The following PLEKHH1 variants were observed in gnomAD, a reference collection of about 807,000 sequenced individuals.
PLEKHH1 encodes the protein pleckstrin homology, MyTH4 and FERM domain containing H1.
Under a neutral mutation model 160.0 loss-of-function variants are expected in PLEKHH1, and 104 were observed. That is an observed-to-expected ratio of 0.65 (90% CI 0.55 to 0.76). The LOEUF is 0.76. Among genes scored for constraint, PLEKHH1 ranks in the 30% least tolerant of loss-of-function variants. The pLI, the probability that PLEKHH1 is intolerant of heterozygous loss-of-function variation, is 0.00. For synonymous variants in PLEKHH1, 619 were observed against 678.4 expected, an observed-to-expected ratio of 0.91 and a Z score of 1.36; for missense variants, 1,427 against 1,724.1, an observed-to-expected ratio of 0.83 and a Z score of 3.05.
In PLEKHH1 at chr14:67,574,976, G is replaced by A. The variant is rs1382436773; in HGVS notation, c.2089-416G>A. Among the ~76,000 whole-genome samples the A allele has an allele frequency of 6.6e-6, 1 of 152,186 alleles. No individual in the cohort carries two copies. The highest frequency in any genetic ancestry group is 1.5e-5 in the Non-Finnish European group (1 of 68,032). ...TGTGGCTCTGCTTCTCGTTCAATCT[G>A]TTTATGTCATTCTCCTTCGCCCGTG... On this transcript the variant is annotated intron_variant, in intron 14 of 28. Transcript: ENST00000329153. This position sits in a 1 kb window ranked among gnomAD's most constrained non-coding sequence, Gnocchi z 4.2.
At chr14:67,558,291 A>G (rs1326524125) in intron 4 of PLEKHH1, among the ~76,000 whole-genome samples, 1 of 152,106 alleles carries the variant, frequency 6.6e-6, no homozygotes, top group East Asian at 1.9e-4. Flanking sequence ...TTTCCTACAC[A>G]TGCCTTCTCC....
At chr14:67,572,670 T>G (rs1471818593) in intron 11 of PLEKHH1, among the ~76,000 whole-genome samples, 1 of 152,136 alleles carries the variant, frequency 6.6e-6, no homozygotes, top group Non-Finnish European at 1.5e-5. Flanking sequence ...GTCCTCACAA[T>G]CCTCTTGGGG....
chr14:67,583,370 T>C (rs915225200), intron 24 of PLEKHH1, among the ~76,000 whole-genome samples: 1 of 152,210 alleles, frequency 6.6e-6, no homozygotes, highest in Non-Finnish European at 1.5e-5. Context: ...AGGCCACATT[T>C]GGAACACTCT....
At chr14:67,572,406 G>A in intron 11 of PLEKHH1, 129 bp downstream of exon 11, 1 of 625,146 alleles carries the variant, frequency 1.6e-6, no homozygotes, top group South Asian at 2.0e-5. Context: ...ATGGGGGCAG[G>A]GGGCGTGGGC....
intron 3 of PLEKHH1, 150 bp from the exon 4 acceptor site, chr14:67,557,119 T>C (rs374386971): frequency 1.2e-5 from 7 of 607,618 alleles, no homozygotes; most frequent in Middle Eastern, 6.7e-4. Flanking sequence ...TGGAACTTAA[T>C]TGAATTAATT....
chr14:67,576,350 T>C lies in PLEKHH1; in HGVS notation c.2353-45T>C. ...TCCTCCTTGGAGCTCTTGCCTCCAC[T>C]CTTCCCACCCCGTCCCCATCCGATG... On this transcript the variant is annotated intron_variant, in intron 16 of 28. Coordinates refer to ENST00000329153, the MANE Select transcript of PLEKHH1 (RefSeq NM_020715.3). The surrounding 1 kb of genome is among the most constrained non-coding windows in gnomAD (Gnocchi z 4.0). The C allele has an allele frequency of 8.9e-7, 1 of 1,127,150 alleles. No homozygotes were observed. Among genetic ancestry groups the C allele is most frequent in the Non-Finnish European group, 1.3e-6 (1 of 754,134 alleles). The allele number at this position is 1,127,150 out of a possible 1,614,324, so 69.8% of individuals were successfully genotyped here. A position where few individuals can be genotyped will look rare whatever the true frequency, so the allele number is the denominator to read the frequency against.
chr14:67,576,077 C>A lies in PLEKHH1; in HGVS notation c.2352+72C>A. ...TCTGATCTTCCCTTCTCTCTTTCTC[C>A]TGAGCTTCCCAAAATTCAAATTTAT... On this transcript the variant is annotated intron_variant, in intron 16 of 28. Transcript: ENST00000329153. The surrounding 1 kb of genome is among the most constrained non-coding windows in gnomAD (Gnocchi z 4.0). 1 of 1,224,290 alleles carries A rather than the reference C, an allele frequency of 8.2e-7. No individual in the cohort carries two copies. The highest frequency in any genetic ancestry group is 1.2e-6 in the Non-Finnish European group (1 of 866,994). The allele number at this position is 1,224,290 out of a possible 1,614,324, so 75.8% of individuals were successfully genotyped here. A position where few individuals can be genotyped will look rare whatever the true frequency, so the allele number is the denominator to read the frequency against.
rs1384055677 is a variant in PLEKHH1, at chr14:67,577,350, T to C, written c.2510T>C (p.Leu837Pro). The change falls in exon 18 of 29, where the codon CTA (leucine) becomes CCA (proline). Residue 837 changes from leucine to proline, a missense_variant. Leu to Pro is a moderately conservative substitution (Grantham distance 98). Around this residue, in one of 6 missense-constraint regions of PLEKHH1, gnomAD observed 436 missense variants for 607.5 expected, o/e 0.72. Transcript: ENST00000329153. ...ATGCTGTGCTACAGCAAAGACGGCC[T>C]ATACGCCTCCCTCACCACCCTGCCC... ...HPMLCYSKDG[L>P]YASLTTLPSE... The C allele has an allele frequency of 7.6e-6, 12 of 1,587,518 alleles. No individual in the cohort carries two copies. The highest frequency in any genetic ancestry group is 3.5e-5 in the Admixed American group (2 of 56,616).
intron 2 of PLEKHH1, among the ~76,000 whole-genome samples, chr14:67,543,264 A>G (rs2034044392): frequency 6.6e-6 from 1 of 152,246 alleles, no homozygotes; most frequent in Non-Finnish European, 1.5e-5. Context: ...GCTGGAGTCC[A>G]GCAGGACAAA....
At position 67,557,367 on chromosome 14, in the gene PLEKHH1, A is replaced by G; in HGVS notation, c.288A>G (p.Ile96Met). The G allele has an allele frequency of 6.2e-7, 1 of 1,613,980 alleles. No homozygotes were observed. Among genetic ancestry groups the G allele is most frequent in the East Asian group, 2.2e-5 (1 of 44,882 alleles). Residue 96 changes from isoleucine (I) to methionine (M), a missense_variant, in exon 4 of 29, where the codon ATA becomes ATG. Ile to Met is a conservative substitution (Grantham distance 10, BLOSUM62 1). Transcript: ENST00000329153. ...AATACCAAGAATTGCTGAAAGCCAT[A>G]AAGGGCAAAGATGAGCTCATCAGCC... ...HRKYQELLKA[I>M]KGKDELISQL...
intron 20 of PLEKHH1, 72 bp from the exon 21 acceptor site, chr14:67,579,062 G>A: frequency 1.9e-6 from 2 of 1,079,052 alleles, no homozygotes; most frequent in Non-Finnish European, 2.7e-6. Flanking sequence ...GCTGAGTCTA[G>A]ATAGGGATCC....
intron 21 of PLEKHH1, 48 bp downstream of exon 21, chr14:67,579,359 T>G (rs771862670): frequency 1.6e-5 from 22 of 1,384,874 alleles, no homozygotes; most frequent in Non-Finnish European, 2.0e-5. Context: ...CACGTCACCA[T>G]CCAGAGAATA....
Position 67,540,115 on chromosome 14 carries a change from T to C in PLEKHH1, c.-34-1719T>C, listed in dbSNP as rs74556965. ...GGGATTTTGAAAAGCAACAAATTTT[T>C]ATTATGGAAAATTCCAGGCATATAT... On this transcript the variant is annotated intron_variant, in intron 1 of 28. Coordinates refer to ENST00000329153, the MANE Select transcript of PLEKHH1 (RefSeq NM_020715.3). Among the ~76,000 whole-genome samples, 673 of 152,234 alleles carry C rather than the reference T, an allele frequency of 4.4e-3. 18 individuals carry two copies. The East Asian group carries it at 0.062, about 14-fold the overall frequency.
intron 1 of PLEKHH1, 36 bp from the exon 2 acceptor site, chr14:67,541,798 A>G: frequency 3.6e-6 from 5 of 1,403,946 alleles, no homozygotes; most frequent in Non-Finnish European, 4.8e-6. Context: ...TCACACGCTT[A>G]TTTATCTTTT....
At chr14:67,572,570 G>A (rs1383125427) in intron 11 of PLEKHH1, among the ~76,000 whole-genome samples, 3 of 152,072 alleles carry the variant, frequency 2.0e-5, no homozygotes, top group African/African-American at 7.2e-5. Context: ...ATATGACTTT[G>A]TTTTATCACC....
chr14:67,579,259 A>G lies in PLEKHH1; in HGVS notation c.2975A>G (p.His992Arg), dbSNP rs1163574591. Residue 992 changes from histidine (H) to arginine (R), a missense_variant, in exon 21 of 29, where the codon CAC becomes CGC. This residue lies in a region of PLEKHH1 where 436 missense variants were observed against 607.5 expected (regional missense o/e 0.72). Coordinates refer to ENST00000329153, the MANE Select transcript of PLEKHH1 (RefSeq NM_020715.3). ...VVSILLRNPFHHSLPFSIPVH... is the reference protein window; with the variant it reads ...VVSILLRNPFRHSLPFSIPVH... Reference sequence around the variant, plus strand: ...TCCATCCTGCTGCGTAACCCCTTCCACCACTCCTTGCCCTTCAGCATCCCC... The same window carrying G: ...TCCATCCTGCTGCGTAACCCCTTCCGCCACTCCTTGCCCTTCAGCATCCCC... The G allele has an allele frequency of 1.3e-6, 2 of 1,597,084 alleles. No individual in the cohort carries two copies. Among genetic ancestry groups the G allele is most frequent in the Admixed American group, 1.8e-5 (1 of 56,114 alleles).
intron 2 of PLEKHH1, among the ~76,000 whole-genome samples, chr14:67,552,510 G>A (rs1461747666): frequency 6.6e-6 from 1 of 152,218 alleles, no homozygotes; most frequent in Admixed American, 6.5e-5. Flanking sequence ...GCTCACGCCT[G>A]TAATTCCAGC....
At position 67,587,545 on chromosome 14, in the gene PLEKHH1, A is replaced by G. The variant is rs759094121; in HGVS notation, c.*310A>G. The G allele has an allele frequency of 1.0e-5, 4 of 391,774 alleles. No homozygotes were observed. The highest frequency in any genetic ancestry group is 5.9e-5 in the East Asian group (1 of 16,872). 24.3% of individuals were successfully genotyped at this position (391,774 alleles called of 1,614,324 possible). ...CACTGTTACTGAGGGCATCAGTGCTATAAGTTAAGGCTTTCTGCACTGGTA... is the reference window on the plus strand; with the variant it reads ...CACTGTTACTGAGGGCATCAGTGCTGTAAGTTAAGGCTTTCTGCACTGGTA... On this transcript the variant is annotated 3_prime_UTR_variant, in exon 29 of 29. Coordinates refer to ENST00000329153, the MANE Select transcript of PLEKHH1 (RefSeq NM_020715.3).
In PLEKHH1 at chr14:67,557,437, G is replaced by C. The variant is rs1412283710; in HGVS notation, c.339+19G>C. The C allele has an allele frequency of 1.2e-6, 2 of 1,609,552 alleles. No individual in the cohort carries two copies. Among genetic ancestry groups the C allele is most frequent in the Non-Finnish European group, 1.7e-6 (2 of 1,178,764 alleles). On this transcript the variant is annotated intron_variant, in intron 4 of 28. Coordinates refer to ENST00000329153, the MANE Select transcript of PLEKHH1 (RefSeq NM_020715.3). Reference sequence around the variant, plus strand: ...GAAGCAGGTAAGGGCTCATGCGCAAGGGAGCACCATGCCCTCTTCGACATC... The same window carrying C: ...GAAGCAGGTAAGGGCTCATGCGCAACGGAGCACCATGCCCTCTTCGACATC...
Sources: allele counts gnomAD v4.1 joint callset (sites outside exome capture counted in the v4.1 genomes callset), GRCh38; gene constraint gnomAD v4.1.1; regional missense constraint gnomAD v4.1.1; non-coding constraint Gnocchi (gnomAD v3.1); transcripts MANE v1.5; gene names NCBI Gene and HGNC (gene_info 2026-07-23, HGNC 2026-07-21).